The following TMEM178B variants were observed in gnomAD, a reference collection of about 807,000 sequenced individuals.
TMEM178B encodes the protein transmembrane protein 178B.
Under a neutral mutation model 31.0 loss-of-function variants are expected in TMEM178B, and 5 were observed. The observed-to-expected ratio is 0.16, with a 90% CI of 0.08 to 0.34. The LOEUF (loss-of-function observed/expected upper bound fraction) is 0.34. TMEM178B is among the 10% of genes least tolerant of loss of function. The probability of loss-of-function intolerance (pLI) is 1.00; values close to 1 mark genes in which losing one functional copy is unlikely to be tolerated. For synonymous variants in TMEM178B, 164 were observed against 164.0 expected (o/e 1.00, Z 0.00); for missense variants, 275 against 400.3 (o/e 0.69, Z 2.67).
At chr7:141,316,310 C>G (rs1799004557) in intron 2 of TMEM178B, among the ~76,000 whole-genome samples, 1 of 152,154 alleles carries the variant, frequency 6.6e-6, no homozygotes, top group African/African-American at 2.4e-5. Context: ...TTCATCAAAC[C>G]TATAAATGCT....
chr7:141,190,792 G>T (rs942058084), intron 1 of TMEM178B, among the ~76,000 whole-genome samples: 1 of 152,052 alleles, frequency 6.6e-6, no homozygotes, highest in Non-Finnish European at 1.5e-5. Context: ...TCTCATTTTC[G>T]CAAACTCCCA....
the TMEM178B span, among the ~76,000 whole-genome samples, chr7:141,508,530 A>G: frequency 6.6e-6 from 1 of 152,186 alleles, no homozygotes; most frequent in African/African-American, 2.4e-5. Flanking sequence ...TACTGGTACC[A>G]ATTTACTGTA....
At chr7:141,509,836 C>T in the TMEM178B span, among the ~76,000 whole-genome samples, 2,970 of 152,270 alleles carry the variant, frequency 0.02, 89 homozygotes, top group African/African-American at 0.066. Context: ...GGTTTCCTCT[C>T]ACTGTCATGT....
At chr7:141,150,561 C>T (rs1029240101) in intron 1 of TMEM178B, among the ~76,000 whole-genome samples, 2 of 152,236 alleles carry the variant, frequency 1.3e-5, no homozygotes, top group Non-Finnish European at 2.9e-5. Context: ...CAAGCCCAGG[C>T]TCCAGAGGTC....
In TMEM178B at chr7:141,083,465, G is replaced by A. The variant is rs549365032; in HGVS notation, c.382+8773G>A. Among the ~76,000 whole-genome samples, 3 of 150,064 alleles carry A rather than the reference G, an allele frequency of 2.0e-5. No individual in the cohort carries two copies. The Admixed American group carries it at 2.0e-4, about 10-fold the overall frequency. The stretch of plus-strand genomic sequence containing the variant: ...AGGGGCAAGGCAAAAGTTGATGGGG[G>A]GTGGGAAGAGAAAGAGGAAGGGAGG... On this transcript the variant is annotated intron_variant, in intron 1 of 3. Transcript: ENST00000565468.
intron 2 of TMEM178B, among the ~76,000 whole-genome samples, chr7:141,266,270 A>G (rs1798093194): frequency 6.6e-6 from 1 of 152,168 alleles, no homozygotes. Flanking sequence ...TGCCTTCAGA[A>G]GCCACCTGGA....
intron 2 of TMEM178B, among the ~76,000 whole-genome samples, chr7:141,345,237 C>T (rs1412694476): frequency 6.6e-6 from 1 of 152,086 alleles, no homozygotes; most frequent in East Asian, 1.9e-4. Context: ...ATCAATAGTA[C>T]CAAAGTCAGC....
chr7:141,239,275 A>G (rs1797578616), intron 2 of TMEM178B, among the ~76,000 whole-genome samples: 1 of 152,184 alleles, frequency 6.6e-6, no homozygotes, highest in South Asian at 2.1e-4. Context: ...CTTTGTATGC[A>G]GAGGTTACTG....
chr7:141,428,884 C>T (rs958158151), intron 2 of TMEM178B, among the ~76,000 whole-genome samples: 1 of 152,146 alleles, frequency 6.6e-6, no homozygotes, highest in Non-Finnish European at 1.5e-5. Flanking sequence ...TACTTCTGCC[C>T]CTCAGCTGAA....
At chr7:141,348,519 A>G (rs548058396) in intron 2 of TMEM178B, among the ~76,000 whole-genome samples, 1 of 152,278 alleles carries the variant, frequency 6.6e-6, no homozygotes, top group East Asian at 1.9e-4. Flanking sequence ...GGCAATTGTA[A>G]TTTAGGGGGA....
At chr7:141,371,896 G>T (rs73739821) in intron 2 of TMEM178B, among the ~76,000 whole-genome samples, 27,533 of 152,076 alleles carry the variant, frequency 0.18, 2,952 homozygotes, top group African/African-American at 0.29. Flanking sequence ...CTCTACCAGT[G>T]CTCCACTTCT....
intron 1 of TMEM178B, among the ~76,000 whole-genome samples, chr7:141,142,038 G>A (rs1269546692): frequency 6.6e-6 from 1 of 152,180 alleles, no homozygotes; most frequent in East Asian, 1.9e-4. Flanking sequence ...CCCAGTTACT[G>A]AGCATAGTAT....
intron 2 of TMEM178B, among the ~76,000 whole-genome samples, chr7:141,265,401 T>C (rs1798080838): frequency 6.6e-6 from 1 of 152,128 alleles, no homozygotes; most frequent in East Asian, 1.9e-4. Flanking sequence ...AGGGTGAGGT[T>C]GCATGTTCAT....
At chr7:141,096,100 T>A (rs1189290223) in intron 1 of TMEM178B, among the ~76,000 whole-genome samples, 1 of 152,220 alleles carries the variant, frequency 6.6e-6, no homozygotes, top group African/African-American at 2.4e-5. Flanking sequence ...CTCTGTCTCC[T>A]CATAACTGGC....
At chr7:141,343,814 G>T in intron 2 of TMEM178B, among the ~76,000 whole-genome samples, 1 of 152,104 alleles carries the variant, frequency 6.6e-6, no homozygotes, top group East Asian at 1.9e-4. Flanking sequence ...CTCCCAAAGT[G>T]CTGGGATTAC....
intron 1 of TMEM178B, among the ~76,000 whole-genome samples, chr7:141,184,672 C>G (rs1796580672): frequency 6.6e-6 from 1 of 152,112 alleles, no homozygotes; most frequent in African/African-American, 2.4e-5. Flanking sequence ...TTCTCTAGGG[C>G]TATGACATCA....
intron 2 of TMEM178B, among the ~76,000 whole-genome samples, chr7:141,273,808 G>T (rs1362881429): frequency 6.6e-6 from 1 of 152,084 alleles, no homozygotes; most frequent in Non-Finnish European, 1.5e-5. Context: ...TACCACTTTT[G>T]GTCCTGATCT....
At chr7:141,348,077 T>C (rs1468056575) in intron 2 of TMEM178B, among the ~76,000 whole-genome samples, 1 of 152,226 alleles carries the variant, frequency 6.6e-6, no homozygotes, top group African/African-American at 2.4e-5. Context: ...CATATGCTTT[T>C]GTGTCCTTGT....
intron 1 of TMEM178B, among the ~76,000 whole-genome samples, chr7:141,149,526 TAACAACAACAACAGCAACAACAACAAC>T (rs1795921628): frequency 6.6e-6 from 1 of 152,054 alleles, no homozygotes; most frequent in Admixed American, 6.6e-5. Context: ...CCAGCCTGGG[TAACAACAACAACAGCAACAACAACAAC>T]AACAACAACA....
Sources: gnomAD v4.1 joint callset for allele counts (sites outside exome capture counted in the v4.1 genomes callset) on GRCh38, gnomAD v4.1.1 for gene constraint, MANE v1.5 for transcripts, NCBI Gene and HGNC (gene_info 2026-07-23, HGNC 2026-07-21) for gene names.